TRMT61B: variants seen among roughly 807,000 people sequenced by gnomAD.
TRMT61B encodes the protein tRNA (adenine(58)-N(1))-methyltransferase, mitochondrial.
TRMT61B carries 56 observed loss-of-function variants against 52.0 expected under a neutral mutation model. The ratio of observed to expected loss-of-function variants is 1.08; its 90% CI spans 0.87 to 1.35. The LOEUF (loss-of-function observed/expected upper bound fraction) is 1.35. TRMT61B is among the 40% of genes most tolerant of loss of function. The pLI is 0.00. For missense variants in TRMT61B, 650 were observed against 577.9 expected (o/e 1.12, Z -1.28); for synonymous variants, 206 against 220.0 (o/e 0.94, Z 0.56).
chr2:28,855,278 T>C (rs553467000), intron 3 of TRMT61B, among the ~76,000 whole-genome samples: 3 of 152,170 alleles, frequency 2.0e-5, no homozygotes, highest in Non-Finnish European at 4.4e-5. Flanking sequence ...AAGATTGACA[T>C]GATTTGAACT....
intron 5 of TRMT61B, among the ~76,000 whole-genome samples, chr2:28,850,837 C>A (rs1669062571): frequency 6.6e-6 from 1 of 152,094 alleles, no homozygotes; most frequent in South Asian, 2.1e-4. Context: ...AAACCAAGCT[C>A]CTTGTGACAA....
intron 2 of TRMT61B, among the ~76,000 whole-genome samples, chr2:28,864,559 T>C (rs553310798): frequency 6.6e-6 from 1 of 152,268 alleles, no homozygotes; most frequent in East Asian, 1.9e-4. Context: ...TAATCAGTGA[T>C]GATAAAAGTC....
Position 28,850,354 on chromosome 2 carries a change from GGTC to G in TRMT61B, c.1361_1363del (p.Arg454_Pro455delinsThr), listed in dbSNP as rs1474154563. On this transcript the variant is annotated inframe_deletion, in exon 6 of 7. Coordinates refer to ENST00000306108, the MANE Select transcript of TRMT61B (RefSeq NM_017910.4). ...TGTATGACCAGGTTGCCAGTGTACTGGTCTAGCAACATAGGGAAATGATCCATA... is the reference window on the plus strand; with the variant it reads ...TGTATGACCAGGTTGCCAGTGTACTGTAGCAACATAGGGAAATGATCCATA... 2 of 1,610,756 alleles carry G rather than the reference GGTC, an allele frequency of 1.2e-6. No homozygotes were observed. The highest frequency in any genetic ancestry group is 2.2e-5 in the South Asian group (2 of 90,120).
At chr2:28,865,255 T>C (rs1026808484) in intron 1 of TRMT61B, 136 bp from the exon 2 acceptor site, 3 of 561,360 alleles carry the variant, frequency 5.3e-6, no homozygotes, top group African/African-American at 3.7e-5. Flanking sequence ...CTTCAGTTTA[T>C]ATTTCACTTG....
Position 28,870,301 on chromosome 2 carries a change from C to G in TRMT61B, c.-24G>C. ...ATAGTGTTTCGCGAAGGCGCCGTCG[C>G]AGACGAGTGACGCAAGCCTAGCGCG... On this transcript the variant is annotated 5_prime_UTR_variant, in exon 1 of 7. Transcript: ENST00000306108. 6.6e-7 allele frequency: 1 copy of G among 1,514,468 alleles called. No homozygotes were observed. The highest frequency in any genetic ancestry group is 1.3e-5 in the South Asian group (1 of 78,464). 93.8% of individuals were successfully genotyped at this position (1,514,468 alleles called of 1,614,324 possible). A position where few individuals can be genotyped will look rare whatever the true frequency, so the allele number is the denominator to read the frequency against.
At chr2:28,858,794 CAAAAAAAAAAAAA>C (rs1033258916) in intron 3 of TRMT61B, among the ~76,000 whole-genome samples, 2 of 23,596 alleles carry the variant, frequency 8.5e-5, no homozygotes, top group South Asian at 3.2e-3. Context: ...GACTCCGTCT[CAAAAAAAAAAAAA>C]AAAAAAAAAA....
At position 28,869,987 on chromosome 2, in the gene TRMT61B, T is replaced by C. The variant is rs774330765; in HGVS notation, c.291A>G (p.Ser97=). ...TCGAGTCCTCGAGCTCTCGAGGGGA[T>C]GACTCTTCCCGCAGCGTCGGCAGTC... ...NLRLPTLREE[S]SPRELEDSSG... Residue 97 remains serine (S), a synonymous_variant, in exon 1 of 7, where the codon TCA becomes TCG. Coordinates refer to ENST00000306108, the MANE Select transcript of TRMT61B (RefSeq NM_017910.4). 3 of 1,613,632 alleles carry C rather than the reference T, an allele frequency of 1.9e-6. No individual in the cohort carries two copies. The highest frequency in any genetic ancestry group is 2.2e-5 in the East Asian group (1 of 44,840).
rs1416128267 is a variant in TRMT61B, at chr2:28,867,322, T to C, written c.700-2203A>G. On this transcript the variant is annotated intron_variant, in intron 1 of 6. Transcript: ENST00000306108. Reference sequence around the variant, plus strand: ...GTTGCCCCGGCTGGTCTCAAACTTCTGGGCTCAAATGATCCTCCTGCCTCA... The same window carrying C: ...GTTGCCCCGGCTGGTCTCAAACTTCCGGGCTCAAATGATCCTCCTGCCTCA... Among the ~76,000 whole-genome samples the C allele has an allele frequency of 2.0e-5, 3 of 152,192 alleles. No homozygotes were observed. The East Asian group carries it at 5.8e-4, about 29-fold the overall frequency.
intron 1 of TRMT61B, among the ~76,000 whole-genome samples, chr2:28,866,574 T>C (rs1162369054): frequency 6.6e-6 from 1 of 152,108 alleles, no homozygotes; most frequent in Non-Finnish European, 1.5e-5. Flanking sequence ...CAGGCAGTAA[T>C]GCTCACTACC....
At chr2:28,869,015 T>A (rs2148156968) in intron 1 of TRMT61B, among the ~76,000 whole-genome samples, 1 of 152,270 alleles carries the variant, frequency 6.6e-6, no homozygotes, top group African/African-American at 2.4e-5. Flanking sequence ...AAAAAAAGAC[T>A]GAAACTAGGC....
intron 1 of TRMT61B, among the ~76,000 whole-genome samples, chr2:28,865,851 T>C (rs1669820531): frequency 6.6e-6 from 1 of 150,854 alleles, no homozygotes; most frequent in Non-Finnish European, 1.5e-5. Flanking sequence ...CGGCTAATTT[T>C]TGTATTTTTA....
chr2:28,865,702 C>T (rs1238941235), intron 1 of TRMT61B, among the ~76,000 whole-genome samples: 7 of 113,388 alleles, frequency 6.2e-5, no homozygotes, highest in South Asian at 2.8e-4. Context: ...TTTTGGGAGA[C>T]GAAGTCTCAC....
In TRMT61B at chr2:28,870,258, C is replaced by T. The variant is rs1558354635; in HGVS notation, c.20G>A (p.Arg7His). 6.3e-7 allele frequency: 1 copy of T among 1,594,798 alleles called. No individual in the cohort carries two copies. Among genetic ancestry groups the T allele is most frequent in the Admixed American group, 1.8e-5 (1 of 57,138 alleles). The part of the protein sequence containing the change: MLMAWC[R>H]GPVLLCLRQG... ...CCGCAGGCACAGCAAGACAGGACCG[C>T]GGCACCATGCCATTAGCATAGTGTT... The change falls in exon 1 of 7, where the codon CGC becomes CAC. Residue 7 changes from arginine (R) to histidine (H), a missense_variant. Arg to His is a conservative substitution (Grantham distance 29, BLOSUM62 0). Transcript: ENST00000306108.
chr2:28,870,122 T>A lies in TRMT61B; in HGVS notation c.156A>T (p.Arg52Ser). The A allele has an allele frequency of 6.2e-7, 1 of 1,614,104 alleles. No individual in the cohort carries two copies. Among genetic ancestry groups the A allele is most frequent in the South Asian group, 1.1e-5 (1 of 91,084 alleles). ...SSPRDLRDGE[R>S]EHEAAQRKAP... ...CTTTCCTTTGTGCCGCCTCGTGCTC[T>A]CTTTCTCCATCTCGCAGGTCTCTAG... Residue 52 changes from arginine (R) to serine (S), a missense_variant, in exon 1 of 7, where the codon AGA (arginine) becomes AGT (serine). Transcript: ENST00000306108.
intron 2 of TRMT61B, 83 bp from the exon 3 acceptor site, chr2:28,861,391 C>T: frequency 1.9e-6 from 2 of 1,073,788 alleles, no homozygotes. Flanking sequence ...AAAGGTACTA[C>T]ATGTATGTGA....
intron 3 of TRMT61B, among the ~76,000 whole-genome samples, chr2:28,858,671 C>T (rs991498152): frequency 6.6e-6 from 1 of 150,558 alleles, no homozygotes; most frequent in Non-Finnish European, 1.5e-5. Flanking sequence ...GGCGGGCGCC[C>T]GTAATCCCAG....
intron 3 of TRMT61B, among the ~76,000 whole-genome samples, chr2:28,858,359 C>T (rs561852549): frequency 1.8e-4 from 28 of 152,002 alleles, no homozygotes; most frequent in South Asian, 8.3e-4. Context: ...ATTAGTCATG[C>T]TCTTTTTTCT....
intron 2 of TRMT61B, chr2:28,861,547 ATC>A (rs1408177769): frequency 1.3e-5 from 6 of 451,600 alleles, no homozygotes; most frequent in Non-Finnish European, 2.4e-5. Context: ...CATGCCAAGT[ATC>A]TCTCTGTGTT....
chr2:28,869,441 T>C (rs752883418), intron 1 of TRMT61B, 138 bp downstream of exon 1: 9 of 610,404 alleles, frequency 1.5e-5, no homozygotes, highest in Non-Finnish European at 2.6e-5. Context: ...TTATAACCAT[T>C]GGTTTATTTT....
Sources: gnomAD v4.1 joint callset for allele counts (sites outside exome capture counted in the v4.1 genomes callset) on GRCh38, gnomAD v4.1.1 for gene constraint, MANE v1.5 for transcripts, NCBI Gene and HGNC (gene_info 2026-07-23, HGNC 2026-07-21) for gene names.